The following SLC45A4 variants were observed in gnomAD, a reference collection of about 807,000 sequenced individuals.
SLC45A4 encodes the protein solute carrier family 45 member 4, also known as polyamine-transporter SLC45A4.
In SLC45A4, 32 loss-of-function variants were observed where a neutral mutation model predicts 63.7. The observed-to-expected ratio is 0.50, with a 90% CI of 0.38 to 0.67. The LOEUF is 0.67. SLC45A4 is among the 30% of genes least tolerant of loss of function. The pLI is 0.00. For missense variants in SLC45A4, 1,027 were observed against 1,157.7 expected (o/e 0.89, Z 1.64); for synonymous variants, 535 against 510.0 (o/e 1.05, Z -0.66).
At chr8:141,241,755 C>T (rs980850765) in intron 2 of SLC45A4, among the ~76,000 whole-genome samples, 1 of 152,044 alleles carries the variant, frequency 6.6e-6, no homozygotes, top group Non-Finnish European at 1.5e-5. Flanking sequence ...AGCCTTTCCT[C>T]CCAGGCCTGG....
rs1482072491 is a variant in SLC45A4, at chr8:141,254,424, CAG to C, written c.-197_-196del. The C allele has an allele frequency of 1.5e-6, 1 of 681,678 alleles. No homozygotes were observed. The highest frequency in any genetic ancestry group is 1.8e-5 in the African/African-American group (1 of 55,840). The allele number at this position is 681,678 out of a possible 1,614,324, so 42.2% of individuals were successfully genotyped here. A position where few individuals can be genotyped will look rare whatever the true frequency, so the allele number is the denominator to read the frequency against. ...CAACGGTATGAGACATGCAGCAACA[CAG>C]AACGATTTTTGGTTGGATTTTAAAC... On this transcript the variant is annotated 5_prime_UTR_variant, in exon 2 of 9. The change creates a premature stop within an existing upstream ORF in the 5' untranslated region. Coordinates refer to ENST00000517878, the MANE Select transcript of SLC45A4 (RefSeq NM_001286646.2). This position sits in a 1 kb window ranked among gnomAD's most constrained non-coding sequence, Gnocchi z 4.5.
intron 1 of SLC45A4, among the ~76,000 whole-genome samples, chr8:141,280,784 C>T (rs1327758279): frequency 6.6e-6 from 1 of 152,218 alleles, no homozygotes; most frequent in Non-Finnish European, 1.5e-5. Flanking sequence ...GCACAGGTAA[C>T]TGGAATCCTC....
rs1825858044 is a variant in SLC45A4, at chr8:141,212,131, CCCCGCCGCCCGCCCG to C, written c.2301+51_2301+65del. 7.5e-6 allele frequency: 9 copies of C among 1,192,082 alleles called. No individual in the cohort carries two copies. The South Asian group carries it at 1.1e-4, about 14-fold the overall frequency. The allele number at this position is 1,192,082 out of a possible 1,614,324, so 73.8% of individuals were successfully genotyped here. On this transcript the variant is annotated intron_variant, in intron 8 of 8. Transcript: ENST00000517878. ...GTCTCTGCTCCCGCCCATGGCCTGGCCCCGCCGCCCGCCCGCCCGCCCACCCGCCCACTGGAATGT... is the reference window on the plus strand; with the variant it reads ...GTCTCTGCTCCCGCCCATGGCCTGGCCCCGCCCACCCGCCCACTGGAATGT...
Position 141,254,087 on chromosome 8 carries a change from G to C in SLC45A4, c.143C>G (p.Pro48Arg). The change falls in exon 2 of 9, where the codon CCC (proline) becomes CGC (arginine). Residue 48 changes from proline (P) to arginine (R), a missense_variant. Transcript: ENST00000517878. The surrounding 1 kb of genome is among the most constrained non-coding windows in gnomAD (Gnocchi z 4.5). ...TISEGSIDRI[P>R]MRLWVMHGAV... ...CCCGTGCATCACCCACAGGCGCATG[G>C]GGATTCGGTCTATGGACCCCTCGCT... 1 of 1,536,170 alleles carries C rather than the reference G, an allele frequency of 6.5e-7. No individual in the cohort carries two copies.
intron 1 of SLC45A4, among the ~76,000 whole-genome samples, chr8:141,272,499 C>T (rs1427400559): frequency 6.6e-6 from 1 of 152,206 alleles, no homozygotes; most frequent in Non-Finnish European, 1.5e-5. Context: ...CCACAGTACC[C>T]GCTGTCAGTA....
intron 1 of SLC45A4, among the ~76,000 whole-genome samples, chr8:141,269,802 T>C (rs1829442910): frequency 1.3e-5 from 2 of 152,122 alleles, no homozygotes; most frequent in African/African-American, 2.4e-5. Context: ...CATGTGTATG[T>C]GTTGTGTTTG....
In SLC45A4 at chr8:141,254,368, T is replaced by G. The variant is rs1828669375; in HGVS notation, c.-139A>C. 3.0e-6 allele frequency: 3 copies of G among 989,984 alleles called. No homozygotes were observed. 61.3% of individuals were successfully genotyped at this position (989,984 alleles called of 1,614,324 possible). ...CGGGCAGGTAACACTTACATTCCTCTTTGCACAAGTGGCTATCTCACAACT... is the reference window on the plus strand; with the variant it reads ...CGGGCAGGTAACACTTACATTCCTCGTTGCACAAGTGGCTATCTCACAACT... On this transcript the variant is annotated 5_prime_UTR_variant, in exon 2 of 9. Coordinates refer to ENST00000517878, the MANE Select transcript of SLC45A4 (RefSeq NM_001286646.2). The surrounding 1 kb of genome is among the most constrained non-coding windows in gnomAD (Gnocchi z 4.5).
chr8:141,229,458 G>A lies in SLC45A4; in HGVS notation c.242-7693C>T, dbSNP rs1245866323. Among the ~76,000 whole-genome samples, 2 of 151,942 alleles carry A rather than the reference G, an allele frequency of 1.3e-5. No homozygotes were observed. Among genetic ancestry groups the A allele is most frequent in the African/African-American group, 2.4e-5 (1 of 41,346 alleles). ...ACATCCCGCTCAGAACCTCAGCCAC[G>A]GCCACTGGGGAGGGTCCAGCCAGTG... On this transcript the variant is annotated intron_variant, in intron 2 of 8. Coordinates refer to ENST00000517878, the MANE Select transcript of SLC45A4 (RefSeq NM_001286646.2). The surrounding 1 kb of genome is among the most constrained non-coding windows in gnomAD (Gnocchi z 5.0).
At position 141,297,660 on chromosome 8, in the gene SLC45A4, A is replaced by T. The variant is rs1301879059; in HGVS notation, c.-401+10436T>A. Among the ~76,000 whole-genome samples, 3 of 152,260 alleles carry T rather than the reference A, an allele frequency of 2.0e-5. No individual in the cohort carries two copies. The East Asian group carries it at 5.8e-4, about 29-fold the overall frequency. ...TGTCAGGAACCAACCCGGGACTGAC[A>T]GCCCGGCCAGTGGCCATGCCACACA... On this transcript the variant is annotated intron_variant, in intron 1 of 8. Transcript: ENST00000517878.
chr8:141,240,507 G>T (rs996106129), intron 2 of SLC45A4, among the ~76,000 whole-genome samples: 12 of 152,346 alleles, frequency 7.9e-5, no homozygotes, highest in Middle Eastern at 3.4e-3. Flanking sequence ...GAGACTGGGG[G>T]CTGGCTCTTT....
Position 141,308,287 on chromosome 8 carries a change from G to A in SLC45A4, c.-592C>T, listed in dbSNP as rs1365663059. On this transcript the variant is annotated 5_prime_UTR_variant, in exon 1 of 9. Coordinates refer to ENST00000517878, the MANE Select transcript of SLC45A4 (RefSeq NM_001286646.2). ...GGCGCGGAGAGAGCGCTGCGAGGCT[G>A]CGGCCGGCGCGCGGAGACAACGCCG... 1.4e-5 allele frequency: 2 copies of A among 147,742 alleles called. No homozygotes were observed. Among genetic ancestry groups the A allele is most frequent in the Non-Finnish European group, 3.0e-5 (2 of 66,182 alleles). The allele number at this position is 147,742 out of a possible 1,614,324, so 9.2% of individuals were successfully genotyped here. A position where few individuals can be genotyped will look rare whatever the true frequency, so the allele number is the denominator to read the frequency against.
chr8:141,248,514 G>A (rs1239022082), intron 2 of SLC45A4, among the ~76,000 whole-genome samples: 1 of 151,972 alleles, frequency 6.6e-6, no homozygotes, highest in Non-Finnish European at 1.5e-5. Context: ...AGGCTGCAGA[G>A]AGCTGTGATC....
chr8:141,279,148 C>T (rs140807860), intron 1 of SLC45A4, among the ~76,000 whole-genome samples: 64 of 152,382 alleles, frequency 4.2e-4, no homozygotes, highest in African/African-American at 1.4e-3. Context: ...CCTTCCCCCA[C>T]GCAGCCTGGA....
chr8:141,303,304 G>GTTT (rs375645569), intron 1 of SLC45A4, among the ~76,000 whole-genome samples: 1,595 of 124,634 alleles, frequency 0.013, 35 homozygotes, highest in Middle Eastern at 0.077. Context: ...GCTAATTTTT[G>GTTT]TTTTTTTTTT....
chr8:141,290,880 A>C (rs1026193645), intron 1 of SLC45A4, among the ~76,000 whole-genome samples: 1 of 152,082 alleles, frequency 6.6e-6, no homozygotes, highest in Admixed American at 6.5e-5. Context: ...ACTGGGTCTC[A>C]CTCTGTCACC....
chr8:141,286,427 A>G (rs764600593), intron 1 of SLC45A4, among the ~76,000 whole-genome samples: 2 of 152,138 alleles, frequency 1.3e-5, no homozygotes, highest in Non-Finnish European at 2.9e-5. Flanking sequence ...AAGCCTGCCA[A>G]TGTATCTTCC....
intron 1 of SLC45A4, among the ~76,000 whole-genome samples, chr8:141,261,028 T>C (rs1829022077): frequency 6.6e-6 from 1 of 152,212 alleles, no homozygotes; most frequent in Non-Finnish European, 1.5e-5. Context: ...TTATCCACCA[T>C]GATCAAGTGG....
chr8:141,258,662 C>T (rs184913369), intron 1 of SLC45A4, among the ~76,000 whole-genome samples: 482 of 152,224 alleles, frequency 3.2e-3, no homozygotes, highest in South Asian at 0.025. Context: ...GCAGGAGGAT[C>T]GCTTGAGCCC....
chr8:141,251,982 G>A (rs4961343), intron 2 of SLC45A4, among the ~76,000 whole-genome samples: 42,240 of 143,972 alleles, frequency 0.29, 6,673 homozygotes, highest in East Asian at 0.47. Context: ...CGAGGGATCC[G>A]CACTGCAGCG....
Sources: allele counts gnomAD v4.1 joint callset (sites outside exome capture counted in the v4.1 genomes callset), GRCh38; gene constraint gnomAD v4.1.1; non-coding constraint Gnocchi (gnomAD v3.1); transcripts MANE v1.5; gene names NCBI Gene and HGNC (gene_info 2026-07-23, HGNC 2026-07-21).